The following MED27 variants were observed in gnomAD, a reference collection of about 807,000 sequenced individuals.
MED27 encodes mediator of RNA polymerase II transcription subunit 27.
Under a neutral mutation model 38.2 loss-of-function variants are expected in MED27, and 30 were observed. The observed-to-expected ratio is 0.79, with a 90% CI of 0.59 to 1.07. The LOEUF is 1.07. Ranked by LOEUF, MED27 falls within the 50% of genes least tolerant of loss-of-function variation. MED27 has a pLI of 0.00. For missense variants in MED27, 289 were observed against 397.5 expected (o/e 0.73, Z 2.32); for synonymous variants, 122 against 153.5 (o/e 0.79, Z 1.52).
At chr9:132,072,518 G>C (rs950928067) in intron 2 of MED27, among the ~76,000 whole-genome samples, 1 of 152,000 alleles carries the variant, frequency 6.6e-6, no homozygotes, top group Non-Finnish European at 1.5e-5. Flanking sequence ...TGTTTTCTCT[G>C]GTTGGCTGTT....
At chr9:131,992,988 G>A (rs1297592112) in intron 3 of MED27, among the ~76,000 whole-genome samples, 2 of 152,172 alleles carry the variant, frequency 1.3e-5, no homozygotes, top group Admixed American at 6.5e-5. Context: ...GGTTGAATAA[G>A]ATGCCCAAAG....
Position 131,883,991 on chromosome 9 carries a change from G to T in MED27, c.723+67C>A. On this transcript the variant is annotated intron_variant, in intron 6 of 7. Coordinates refer to ENST00000292035, the MANE Select transcript of MED27 (RefSeq NM_004269.4). The surrounding 1 kb of genome is among the most constrained non-coding windows in gnomAD (Gnocchi z 4.2). ...CAAAAGCCTCTGATTTGAGACCAAT[G>T]TTTAAACCTCAAAGCATTCACGTTT... is the stretch of plus-strand genomic sequence containing the variant. 2 of 1,395,948 alleles carry T rather than the reference G, an allele frequency of 1.4e-6. No individual in the cohort carries two copies. Among genetic ancestry groups the T allele is most frequent in the Non-Finnish European group, 2.0e-6 (2 of 995,232 alleles). The allele number at this position is 1,395,948 out of a possible 1,614,324, so 86.5% of individuals were successfully genotyped here.
At chr9:131,902,296 T>C (rs1357995321) in intron 4 of MED27, among the ~76,000 whole-genome samples, 1 of 152,166 alleles carries the variant, frequency 6.6e-6, no homozygotes, top group Non-Finnish European at 1.5e-5. Flanking sequence ...GGCGGAACTG[T>C]CCTCTTAACA....
At chr9:132,042,699 G>A (rs1232359947) in intron 2 of MED27, among the ~76,000 whole-genome samples, 1 of 152,074 alleles carries the variant, frequency 6.6e-6, no homozygotes, top group Non-Finnish European at 1.5e-5. Context: ...TATTTCACTG[G>A]GCTTCACTTT....
chr9:132,053,292 C>T (rs1833505837), intron 2 of MED27, among the ~76,000 whole-genome samples: 1 of 151,360 alleles, frequency 6.6e-6, no homozygotes, highest in South Asian at 2.1e-4. Context: ...GCTGCTCAGA[C>T]ACCTGTGAGT....
chr9:131,932,503 T>C (rs1285008762), intron 4 of MED27, among the ~76,000 whole-genome samples: 1 of 151,534 alleles, frequency 6.6e-6, no homozygotes, highest in East Asian at 1.9e-4. Flanking sequence ...TGCCAATACA[T>C]TGGAAAACCT....
At chr9:132,072,444 T>C (rs1324794223) in intron 2 of MED27, among the ~76,000 whole-genome samples, 2 of 152,156 alleles carry the variant, frequency 1.3e-5, no homozygotes, top group East Asian at 1.9e-4. Context: ...ATTTTTGTTA[T>C]ACCTTCCTTG....
chr9:132,024,855 A>G (rs1466092472), intron 2 of MED27, among the ~76,000 whole-genome samples: 1 of 152,204 alleles, frequency 6.6e-6, no homozygotes, highest in Non-Finnish European at 1.5e-5. Flanking sequence ...ATGCCCAGAA[A>G]GTTGGCTCAA....
chr9:132,075,388 A>T (rs1432674727), intron 2 of MED27, among the ~76,000 whole-genome samples: 1 of 152,206 alleles, frequency 6.6e-6, no homozygotes, highest in Non-Finnish European at 1.5e-5. Context: ...TAACCTCAGC[A>T]GGCCGGGGGC....
At chr9:132,028,804 G>C (rs1324942803) in intron 2 of MED27, among the ~76,000 whole-genome samples, 1 of 151,998 alleles carries the variant, frequency 6.6e-6, no homozygotes, top group Non-Finnish European at 1.5e-5. Flanking sequence ...AGATTCCAGG[G>C]GCCCACCTCC....
intron 6 of MED27, chr9:131,868,784 A>G: frequency 1.0e-6 from 1 of 985,456 alleles, no homozygotes; most frequent in East Asian, 1.1e-4. Context: ...GCTGCCCGCC[A>G]TCTCCCAGGG....
intron 2 of MED27, among the ~76,000 whole-genome samples, chr9:132,065,458 G>A (rs1833789305): frequency 6.6e-6 from 1 of 152,210 alleles, no homozygotes; most frequent in Admixed American, 6.5e-5. Flanking sequence ...AAGGTGCAGG[G>A]GTGGTGCCTG....
intron 3 of MED27, among the ~76,000 whole-genome samples, chr9:131,943,873 A>G (rs1248956568): frequency 1.3e-5 from 2 of 152,204 alleles, no homozygotes; most frequent in East Asian, 3.9e-4. Flanking sequence ...GGCTAGAAAC[A>G]CAAACTTCTA....
At position 131,860,190 on chromosome 9, in the gene MED27, C is replaced by T. The variant is rs1354644424; in HGVS notation, c.*348G>A. On this transcript the variant is annotated 3_prime_UTR_variant, in exon 8 of 8. Coordinates refer to ENST00000292035, the MANE Select transcript of MED27 (RefSeq NM_004269.4). The surrounding 1 kb of genome is among the most constrained non-coding windows in gnomAD (Gnocchi z 5.8). ...CACAAAACACAAGAACCCCGCATGA[C>T]GATACCCATGAACACAAGGGCTCAT... 3 of 219,030 alleles carry T rather than the reference C, an allele frequency of 1.4e-5. No individual in the cohort carries two copies. In the South Asian group the frequency reaches 5.0e-4, roughly 36 times the overall value. The allele number at this position is 219,030 out of a possible 1,614,324, so 13.6% of individuals were successfully genotyped here. A position where few individuals can be genotyped will look rare whatever the true frequency, so the allele number is the denominator to read the frequency against.
At chr9:131,937,746 T>C (rs968219998) in intron 4 of MED27, among the ~76,000 whole-genome samples, 2 of 152,214 alleles carry the variant, frequency 1.3e-5, no homozygotes, top group African/African-American at 4.8e-5. Context: ...CTGTCAGGTA[T>C]GCTGAGAGCA....
At chr9:132,011,305 C>T (rs181605669) in intron 3 of MED27, among the ~76,000 whole-genome samples, 41 of 152,184 alleles carry the variant, frequency 2.7e-4, no homozygotes, top group Non-Finnish European at 1.2e-4. Context: ...CAATATCCAT[C>T]CTAATCTTAA....
At chr9:131,881,253 T>A (rs1465944299) in intron 6 of MED27, among the ~76,000 whole-genome samples, 1 of 152,244 alleles carries the variant, frequency 6.6e-6, no homozygotes, top group Non-Finnish European at 1.5e-5. Context: ...ACGGAAAACG[T>A]TAGCATTGAA....
chr9:131,905,251 C>T (rs73551499), intron 4 of MED27, among the ~76,000 whole-genome samples: 2,126 of 152,302 alleles, frequency 0.014, 51 homozygotes, highest in African/African-American at 0.048. Context: ...GGTTACCTGA[C>T]AAAATGGGAA....
intron 3 of MED27, among the ~76,000 whole-genome samples, chr9:131,963,227 A>C (rs1222327051): frequency 6.6e-6 from 1 of 152,184 alleles, no homozygotes; most frequent in Non-Finnish European, 1.5e-5. Context: ...AGCCATGGCC[A>C]GTCAATTTCT....
Sources: gnomAD v4.1 joint callset for allele counts (sites outside exome capture counted in the v4.1 genomes callset) on GRCh38, gnomAD v4.1.1 for gene constraint, Gnocchi (gnomAD v3.1) non-coding constraint, MANE v1.5 for transcripts, NCBI Gene and HGNC (gene_info 2026-07-23, HGNC 2026-07-21) for gene names.